Variants in PACS2 observed in about 807,000 individuals in gnomAD.
PACS2 encodes the protein phosphofurin acidic cluster sorting protein 2, also known as PACS1-like protein.
A neutral mutation model predicts 113.0 loss-of-function variants in PACS2; 36 were observed. The observed-to-expected ratio is 0.32, with a 90% confidence interval of 0.24 to 0.42. The LOEUF is 0.42. PACS2 is among the 10% of genes least tolerant of loss of function. The pLI is 1.00. For missense variants in PACS2, 1,015 were observed against 1,239.5 expected (o/e 0.82, Z 2.72); for synonymous variants, 589 against 536.1 (o/e 1.10, Z -1.36).
intron 24 of PACS2, 93 bp from the exon 25 acceptor site, chr14:105,394,461 G>T: frequency 6.3e-7 from 1 of 1,578,872 alleles, no homozygotes; most frequent in South Asian, 1.1e-5. Flanking sequence ...CTGTACGCCC[G>T]GCTGCCACCC....
chr14:105,320,793 C>T (rs183950721), intron 1 of PACS2, among the ~76,000 whole-genome samples: 9 of 152,304 alleles, frequency 5.9e-5, no homozygotes, highest in Admixed American at 1.3e-4. Context: ...TTTGCTGTAT[C>T]GTGGTATAGC....
At chr14:105,322,936 C>T (rs1188905084) in intron 1 of PACS2, among the ~76,000 whole-genome samples, 3 of 152,316 alleles carry the variant, frequency 2.0e-5, no homozygotes, top group Non-Finnish European at 4.4e-5. Context: ...CTGAGCAGGG[C>T]GTGTGCTGGT....
chr14:105,328,240 G>A (rs921307179), intron 1 of PACS2, among the ~76,000 whole-genome samples: 1 of 152,196 alleles, frequency 6.6e-6, no homozygotes. Flanking sequence ...CCCAACCCCC[G>A]GAGTGGCCAG....
At position 105,384,391 on chromosome 14, in the gene PACS2, T is replaced by A. The variant is rs1365157286; in HGVS notation, c.1819T>A (p.Tyr607Asn). 6.2e-7 allele frequency: 1 copy of A among 1,612,320 alleles called. No individual in the cohort carries two copies. The highest frequency in any genetic ancestry group is 2.2e-5 in the East Asian group (1 of 44,876). Reference protein sequence around the residue: ...PVARYLGSVDYRYNNFFQDLA... With the variant: ...PVARYLGSVDNRYNNFFQDLA... ...GGCCAGGTACCTAGGCTCCGTGGAC[T>A]ACCGCTACAACAACTTCTTCCAGGA... Residue 607 changes from tyrosine (Y) to asparagine (N), a missense_variant, in exon 17 of 25, where the codon TAC (tyrosine) becomes AAC (asparagine). Coordinates refer to ENST00000447393, the MANE Select transcript of PACS2 (RefSeq NM_001100913.3).
chr14:105,392,163 A>G, intron 22 of PACS2: 1 of 326,626 alleles, frequency 3.1e-6, no homozygotes, highest in South Asian at 3.8e-5. Context: ...GTCTCTCCGG[A>G]GCAGACCTCA....
Position 105,340,017 on chromosome 14 carries a change from G to T in PACS2, c.120-8476G>T, listed in dbSNP as rs1177279314. ...TGGTCTTGAGCTCCTGGGCTCAGGT[G>T]ATCCACCTGCCTTGGCCTCCCAAAG... On this transcript the variant is annotated intron_variant, in intron 1 of 24. Coordinates refer to ENST00000447393, the MANE Select transcript of PACS2 (RefSeq NM_001100913.3). The surrounding 1 kb of genome is among the most constrained non-coding windows in gnomAD (Gnocchi z 4.2). Among the ~76,000 whole-genome samples the T allele has an allele frequency of 6.6e-6, 1 of 152,224 alleles. No individual in the cohort carries two copies. The highest frequency in any genetic ancestry group is 1.5e-5 in the Non-Finnish European group (1 of 68,044).
chr14:105,367,567 C>G (rs1555408251), intron 5 of PACS2, among the ~76,000 whole-genome samples, 192 bp downstream of exon 5: 1 of 152,230 alleles, frequency 6.6e-6, no homozygotes, highest in South Asian at 2.1e-4. Context: ...TGCCACAGGT[C>G]CCTGTTCTGC....
rs376785201 is a variant in PACS2, at chr14:105,392,005, G to A, written c.2255+239G>A. On this transcript the variant is annotated intron_variant, in intron 22 of 24. Transcript: ENST00000447393. ...TCCTGCACAGTGAATAAACATGGGC[G>A]TTGTGCTGGGCTGTCTCTCAGCTCT... 25 of 545,588 alleles carry A rather than the reference G, an allele frequency of 4.6e-5. No individual in the cohort carries two copies. The Middle Eastern group carries it at 1.2e-3, about 26-fold the overall frequency. 33.8% of individuals were successfully genotyped at this position (545,588 alleles called of 1,614,324 possible).
intron 1 of PACS2, among the ~76,000 whole-genome samples, chr14:105,325,080 A>C (rs1472372112): frequency 6.6e-6 from 1 of 151,652 alleles, no homozygotes; most frequent in African/African-American, 2.4e-5. Context: ...GCCCCCGGAC[A>C]CAGGCAGCAC....
At chr14:105,362,342 T>TG (rs1438072541) in intron 4 of PACS2, among the ~76,000 whole-genome samples, 23 of 145,206 alleles carry the variant, frequency 1.6e-4, no homozygotes, top group South Asian at 2.2e-4. Context: ...GGTGTGAACC[T>TG]GGAGGTGGAG....
rs587626780 is a variant in PACS2, at chr14:105,363,911, C to T, written c.424-3302C>T. Among the ~76,000 whole-genome samples the T allele has an allele frequency of 1.8e-3, 273 of 152,120 alleles. 2 individuals are homozygous for T. The highest frequency in any genetic ancestry group is 6.3e-3 in the African/African-American group (262 of 41,492). On this transcript the variant is annotated intron_variant, in intron 4 of 24. Transcript: ENST00000447393. ...GCCTAATTTCCATATTATTGTGTCT[C>T]GGAAGAGAGAGGCCACAGGAGAGAC...
At position 105,323,806 on chromosome 14, in the gene PACS2, G is replaced by A. The variant is rs2058986962; in HGVS notation, c.119+8769G>A. 6.6e-6 allele frequency among the ~76,000 whole-genome samples: 1 copy of A among 152,224 alleles called. No homozygotes were observed. Among genetic ancestry groups the A allele is most frequent in the Admixed American group, 6.5e-5 (1 of 15,282 alleles). On this transcript the variant is annotated intron_variant, in intron 1 of 24. Transcript: ENST00000447393. The surrounding 1 kb of genome is among the most constrained non-coding windows in gnomAD (Gnocchi z 4.1). Reference sequence around the variant, plus strand: ...AGGAAGCTGACCTGGGCAGCCAGTGGCCTGTAGGCTGGGCAGCACTCGAGC... The same window carrying A: ...AGGAAGCTGACCTGGGCAGCCAGTGACCTGTAGGCTGGGCAGCACTCGAGC...
chr14:105,355,809 G>A lies in PACS2; in HGVS notation c.423+632G>A, dbSNP rs2060420475. ...TGCAGTAGGGCGTGGGGGCCTGGGA[G>A]AAGACACCCCAGGCTGAGGCCTCGG... On this transcript the variant is annotated intron_variant, in intron 4 of 24. Coordinates refer to ENST00000447393, the MANE Select transcript of PACS2 (RefSeq NM_001100913.3). This position sits in a 1 kb window ranked among gnomAD's most constrained non-coding sequence, Gnocchi z 4.1. 6.6e-6 allele frequency among the ~76,000 whole-genome samples: 1 copy of A among 152,180 alleles called. No individual in the cohort carries two copies. The highest frequency in any genetic ancestry group is 2.1e-4 in the South Asian group (1 of 4,832).
rs982570762 is a variant in PACS2 at position 105,369,914 on chromosome 14, G to A, written c.801+14G>A. ...GTGTCCGACGAGGTGAGTGCGCCGC[G>A]CCTTCTGCTCGCGGCCCCCACGCCT... On this transcript the variant is annotated intron_variant, in intron 8 of 24. Transcript: ENST00000447393. The A allele has an allele frequency of 5.6e-6, 9 of 1,595,620 alleles. No individual in the cohort carries two copies. The highest frequency in any genetic ancestry group is 2.2e-5 in the East Asian group (1 of 44,524).
chr14:105,360,145 G>A (rs587741388), intron 4 of PACS2, among the ~76,000 whole-genome samples: 32 of 152,310 alleles, frequency 2.1e-4, no homozygotes, highest in Admixed American at 5.2e-4. Context: ...CACAAATTTC[G>A]TGGTTTTTCA....
At chr14:105,370,609 G>A (rs2061114571) in intron 8 of PACS2, 1 of 152,260 alleles carries the variant, frequency 6.6e-6, no homozygotes, top group Non-Finnish European at 1.5e-5. Context: ...AGCTACTTGG[G>A]AGGAAACCTA....
Position 105,358,734 on chromosome 14 carries a change from G to GC in PACS2, c.423+3559dup, listed in dbSNP as rs1182253519. Among the ~76,000 whole-genome samples the GC allele has an allele frequency of 3.3e-5, 5 of 152,298 alleles. No homozygotes were observed. The highest frequency in any genetic ancestry group is 2.1e-4 in the South Asian group (1 of 4,828). On this transcript the variant is annotated intron_variant, in intron 4 of 24. Coordinates refer to ENST00000447393, the MANE Select transcript of PACS2 (RefSeq NM_001100913.3). This position sits in a 1 kb window ranked among gnomAD's most constrained non-coding sequence, Gnocchi z 4.9. ...TGTGGCCTCGCCACAAGCTGCACAT[G>GC]CCACTGGGGCCAGGTCCAGCCCAAG...
intron 2 of PACS2, among the ~76,000 whole-genome samples, chr14:105,349,238 CG>C (rs1391320524): frequency 6.6e-6 from 1 of 152,246 alleles, no homozygotes; most frequent in East Asian, 1.9e-4. Context: ...CAGGGTCATA[CG>C]GTTCCAGGTG....
In PACS2 at chr14:105,376,728, G is replaced by A. The variant is rs1555410508; in HGVS notation, c.802-40G>A. 1 of 1,598,748 alleles carries A rather than the reference G, an allele frequency of 6.3e-7. No individual in the cohort carries two copies. Among genetic ancestry groups the A allele is most frequent in the African/African-American group, 1.3e-5 (1 of 74,498 alleles). On this transcript the variant is annotated intron_variant, in intron 8 of 24. Transcript: ENST00000447393. This position sits in a 1 kb window ranked among gnomAD's most constrained non-coding sequence, Gnocchi z 4.7. ...GGGCGCCCCCAGTGGGGCAATGTGGGCTGCTGCAGGGAACTCACGCGTGCC... is the reference window on the plus strand; with the variant it reads ...GGGCGCCCCCAGTGGGGCAATGTGGACTGCTGCAGGGAACTCACGCGTGCC...
Sources: gnomAD v4.1 joint callset for allele counts (sites outside exome capture counted in the v4.1 genomes callset) on GRCh38, gnomAD v4.1.1 for gene constraint, Gnocchi (gnomAD v3.1) non-coding constraint, MANE v1.5 for transcripts, NCBI Gene and HGNC (gene_info 2026-07-23, HGNC 2026-07-21) for gene names.